The following ZNF827 variants were observed in gnomAD, a reference collection of about 807,000 sequenced individuals.
ZNF827 encodes the protein zinc finger protein 827.
Under a neutral mutation model 102.4 loss-of-function variants are expected in ZNF827, and 13 were observed. The ratio of observed to expected loss-of-function variants is 0.13; its 90% CI spans 0.08 to 0.20. ZNF827 has a LOEUF of 0.20. Among genes scored for constraint, ZNF827 ranks in the 10% least tolerant of loss-of-function variants. The pLI, the probability that ZNF827 is intolerant of heterozygous loss-of-function variation, is 1.00. For synonymous variants in ZNF827, 523 were observed against 536.2 expected (o/e 0.98, Z 0.34); for missense variants, 1,103 against 1,344.4 (o/e 0.82, Z 2.81).
intron 1 of ZNF827, among the ~76,000 whole-genome samples, chr4:145,937,448 C>T (rs2127016834): frequency 6.6e-6 from 1 of 151,862 alleles, no homozygotes; most frequent in East Asian, 1.9e-4. Flanking sequence ...TCCCTCTCCT[C>T]CGCTCTGCAG....
intron 5 of ZNF827, among the ~76,000 whole-genome samples, chr4:145,865,755 T>C (rs1450739467): frequency 6.6e-6 from 1 of 152,204 alleles, no homozygotes; most frequent in Non-Finnish European, 1.5e-5. Context: ...GCATGTATTG[T>C]TCTATCTTCC....
At chr4:145,913,893 C>T (rs1752476569) in intron 1 of ZNF827, among the ~76,000 whole-genome samples, 1 of 152,124 alleles carries the variant, frequency 6.6e-6, no homozygotes, top group South Asian at 2.1e-4. Context: ...CTACTGAAAT[C>T]ACCAGGAAGT....
chr4:145,813,500 G>A (rs1742256122), intron 8 of ZNF827, among the ~76,000 whole-genome samples: 1 of 146,230 alleles, frequency 6.8e-6, no homozygotes, highest in African/African-American at 2.5e-5. Flanking sequence ...GCCTCCACTA[G>A]GGGTCCGGGA....
At chr4:145,803,890 T>C (rs1017112935) in intron 8 of ZNF827, among the ~76,000 whole-genome samples, 1 of 151,904 alleles carries the variant, frequency 6.6e-6, no homozygotes, top group East Asian at 1.9e-4. Context: ...AGAATTCAGT[T>C]TCTCAAAATG....
intron 8 of ZNF827, among the ~76,000 whole-genome samples, chr4:145,784,493 A>G (rs941349523): frequency 6.6e-6 from 1 of 152,182 alleles, no homozygotes; most frequent in Admixed American, 6.5e-5. Context: ...AGAACTCTCC[A>G]TATTCATTAT....
At chr4:145,784,613 TA>T (rs905557717) in intron 8 of ZNF827, among the ~76,000 whole-genome samples, 6 of 152,202 alleles carry the variant, frequency 3.9e-5, no homozygotes, top group African/African-American at 9.7e-5. Context: ...GAATTTCCTT[TA>T]AAAAAACTTT....
intron 5 of ZNF827, 79 bp from the exon 6 acceptor site, chr4:145,849,640 G>GA: frequency 8.8e-6 from 14 of 1,587,538 alleles, no homozygotes; most frequent in Non-Finnish European, 1.2e-5. Context: ...TAATCACAGA[G>GA]AAAACCATAA....
Position 145,875,763 on chromosome 4 carries a change from C to T in ZNF827, c.1748-5285G>A, listed in dbSNP as rs144484886. Among the ~76,000 whole-genome samples the T allele has an allele frequency of 2.5e-3, 379 of 152,262 alleles. 3 individuals are homozygous for T. Among genetic ancestry groups the T allele is most frequent in the African/African-American group, 8.8e-3 (364 of 41,546 alleles). On this transcript the variant is annotated intron_variant, in intron 4 of 14. Coordinates refer to ENST00000508784, the MANE Select transcript of ZNF827 (RefSeq NM_001306215.2). ...AGCAACCCACTGAGAATTTTATTTA[C>T]GATCTCACCCTAAACCAAGGCCAAA...
intron 8 of ZNF827, among the ~76,000 whole-genome samples, chr4:145,816,968 C>T (rs1742649030): frequency 6.6e-6 from 1 of 152,186 alleles, no homozygotes; most frequent in African/African-American, 2.4e-5. Context: ...AGCAAATGTG[C>T]ACTCCTATTA....
intron 1 of ZNF827, among the ~76,000 whole-genome samples, chr4:145,916,421 C>G (rs1353932054): frequency 6.6e-6 from 1 of 152,182 alleles, no homozygotes; most frequent in Non-Finnish European, 1.5e-5. Flanking sequence ...CTTACAGCAG[C>G]CCTAGGCAGC....
At chr4:145,882,796 A>G (rs143294548) in intron 4 of ZNF827, among the ~76,000 whole-genome samples, 109 of 152,308 alleles carry the variant, frequency 7.2e-4, no homozygotes, top group African/African-American at 2.3e-3. Context: ...GCTGCACCCT[A>G]CAGTACCAGC....
At chr4:145,848,818 A>G (rs552631671) in intron 6 of ZNF827, among the ~76,000 whole-genome samples, 2 of 152,334 alleles carry the variant, frequency 1.3e-5, no homozygotes, top group South Asian at 2.1e-4. Flanking sequence ...CTGTTCTGCT[A>G]AGGCTATAGC....
At chr4:145,843,144 C>T (rs1027042979) in intron 7 of ZNF827, among the ~76,000 whole-genome samples, 3 of 150,826 alleles carry the variant, frequency 2.0e-5, no homozygotes, top group Non-Finnish European at 2.9e-5. Context: ...TATTCTATTC[C>T]ACCTGAAGTA....
chr4:145,890,447 A>G (rs909517428), intron 3 of ZNF827, among the ~76,000 whole-genome samples: 6 of 152,084 alleles, frequency 3.9e-5, no homozygotes, highest in African/African-American at 1.2e-4. Flanking sequence ...AAGGCACCCA[A>G]CTCATCTCCC....
intron 8 of ZNF827, among the ~76,000 whole-genome samples, chr4:145,780,861 G>A (rs894873551): frequency 6.6e-6 from 1 of 152,218 alleles, no homozygotes; most frequent in African/African-American, 2.4e-5. Flanking sequence ...ACCATGTGGT[G>A]ATAATTGAAT....
At chr4:145,828,848 G>A (rs1172487683) in intron 7 of ZNF827, among the ~76,000 whole-genome samples, 1 of 152,132 alleles carries the variant, frequency 6.6e-6, no homozygotes, top group Non-Finnish European at 1.5e-5. Context: ...AGTCCATAAA[G>A]GATTATGGCT....
At chr4:145,807,651 T>C (rs1741589786) in intron 8 of ZNF827, among the ~76,000 whole-genome samples, 1 of 151,526 alleles carries the variant, frequency 6.6e-6, no homozygotes, top group South Asian at 2.1e-4. Flanking sequence ...TTTGTATTTT[T>C]AGTAGAGATG....
intron 5 of ZNF827, among the ~76,000 whole-genome samples, chr4:145,863,864 T>C (rs1205085834): frequency 1.3e-5 from 2 of 152,148 alleles, no homozygotes; most frequent in Non-Finnish European, 2.9e-5. Context: ...ATTGTGTACT[T>C]TGAATGGGTA....
At chr4:145,811,099 C>G (rs529873567) in intron 8 of ZNF827, among the ~76,000 whole-genome samples, 1 of 151,366 alleles carries the variant, frequency 6.6e-6, no homozygotes. Flanking sequence ...TCAAGTGATT[C>G]TCGTACCTCA....
Sources: gnomAD v4.1 joint callset for allele counts (sites outside exome capture counted in the v4.1 genomes callset) on GRCh38, gnomAD v4.1.1 for gene constraint, MANE v1.5 for transcripts, NCBI Gene and HGNC (gene_info 2026-07-23, HGNC 2026-07-21) for gene names.